The following RP1L1 variants were observed in gnomAD, a reference collection of about 807,000 sequenced individuals.
RP1L1 encodes the protein retinitis pigmentosa 1-like 1 protein.
In RP1L1, 27 loss-of-function variants were observed where a neutral mutation model predicts 15.7. The observed-to-expected ratio is 1.72, with a 90% CI of 1.27 to 2.38. The LOEUF is 2.38. Among genes scored for constraint, RP1L1 ranks in the 30% most tolerant of loss-of-function variants. RP1L1 has a pLI of 0.00. For missense variants in RP1L1, 4,798 were observed against 3,075.9 expected, an observed-to-expected ratio of 1.56 and a Z score of -13.24; for synonymous variants, 1,813 against 1,276.7, an observed-to-expected ratio of 1.42 and a Z score of -8.96.
rs72494282 is a variant in RP1L1 at position 10,607,680 on chromosome 8, C to T, written c.6418G>A (p.Glu2140Lys). 213,197 of 1,602,150 alleles carry T rather than the reference C, an allele frequency of 0.13. 16,091 individuals carry two copies. The highest frequency in any genetic ancestry group is 0.4 in the East Asian group (17,860 of 44,340). ...EGIEAPEAEG[E>K]AQPESEGVEA... ...ACACCTTCTGACTCAGGCTGGGCCT[C>T]CCCTTCAGCCTCTGGGGCCTCTATA... Residue 2140 changes from glutamate to lysine, a missense_variant, in exon 4 of 4, where the codon GAG (glutamate) becomes AAG (lysine). Coordinates refer to ENST00000382483, the MANE Select transcript of RP1L1 (RefSeq NM_178857.6).
intron 2 of RP1L1, among the ~76,000 whole-genome samples, chr8:10,618,035 C>T (rs72603907): frequency 0.14 from 20,597 of 152,104 alleles, 1,977 homozygotes; most frequent in East Asian, 0.49. Flanking sequence ...CCTTGCATTA[C>T]GTTGTAATTA....
At position 10,612,840 on chromosome 8, in the gene RP1L1, C is replaced by G. The variant is rs1204820851; in HGVS notation, c.1258G>C (p.Val420Leu). 1.9e-6 allele frequency: 3 copies of G among 1,612,720 alleles called. No homozygotes were observed. The East Asian group carries it at 6.7e-5, about 36-fold the overall frequency. ...AGTCCCCACCTCTTCCGAGCTGCCA[C>G]TCTCTCTCCCTGGGAGGCATGCAGG... ...NPLHASQGERVAARKRWGLAQ... is the reference protein window; with the variant it reads ...NPLHASQGERLAARKRWGLAQ... Residue 420 changes from valine to leucine, a missense_variant, in exon 4 of 4, where the codon GTG becomes CTG. Val to Leu is a conservative substitution (Grantham distance 32). Transcript: ENST00000382483.
chr8:10,650,517 G>A (rs1798543010), intron 1 of RP1L1, among the ~76,000 whole-genome samples: 1 of 151,948 alleles, frequency 6.6e-6, no homozygotes, highest in Admixed American at 6.6e-5. Flanking sequence ...CAGAAACTGA[G>A]GCTCAGGGAA....
chr8:10,619,991 A>G (rs535353399), intron 2 of RP1L1, among the ~76,000 whole-genome samples: 18 of 146,876 alleles, frequency 1.2e-4, no homozygotes, highest in South Asian at 2.2e-4. Context: ...AGATGTTGAG[A>G]GAGGATTCTG....
intron 1 of RP1L1, among the ~76,000 whole-genome samples, chr8:10,624,421 G>C (rs1165197001): frequency 1.3e-5 from 2 of 152,220 alleles, no homozygotes; most frequent in African/African-American, 4.8e-5. Context: ...GGGTGTGACT[G>C]AATGCAGAGT....
intron 2 of RP1L1, chr8:10,621,533 C>G: frequency 2.8e-6 from 1 of 351,752 alleles, no homozygotes; most frequent in Non-Finnish European, 5.6e-6. Flanking sequence ...GCCCTATTGG[C>G]CAGGCTGATC....
At chr8:10,622,251 C>G (rs1172080619) in intron 2 of RP1L1, among the ~76,000 whole-genome samples, 1 of 147,736 alleles carries the variant, frequency 6.8e-6, no homozygotes, top group Non-Finnish European at 1.5e-5. Context: ...ACCCAGAAGG[C>G]AGAGGTTGCA....
chr8:10,649,522 G>T (rs1798527993), intron 1 of RP1L1, among the ~76,000 whole-genome samples: 1 of 152,174 alleles, frequency 6.6e-6, no homozygotes, highest in Non-Finnish European at 1.5e-5. Context: ...CTCGATGGTG[G>T]GTTGCTGTCC....
In RP1L1 at chr8:10,634,892, C is replaced by T. The variant is rs571220530; in HGVS notation, c.-19-11672G>A. Among the ~76,000 whole-genome samples, 5 of 152,292 alleles carry T rather than the reference C, an allele frequency of 3.3e-5. No homozygotes were observed. In the South Asian group the frequency reaches 1.0e-3, roughly 32 times the overall value. On this transcript the variant is annotated intron_variant, in intron 1 of 3. Transcript: ENST00000382483. ...CCTCAAGGGACACCAAGGGTCCTTG[C>T]CCCTCCAGTCTCCCCAAGACTCTCT... is the stretch of plus-strand genomic sequence containing the variant.
chr8:10,623,259 T>C (rs1029795689), intron 1 of RP1L1, 39 bp from the exon 2 acceptor site: 4 of 1,460,238 alleles, frequency 2.7e-6, no homozygotes, highest in Admixed American at 2.3e-5. Flanking sequence ...GAGAGCAGCT[T>C]GGGGGATTGG....
At chr8:10,625,492 G>T (rs528938067) in intron 1 of RP1L1, among the ~76,000 whole-genome samples, 1 of 151,478 alleles carries the variant, frequency 6.6e-6, no homozygotes, top group African/African-American at 2.4e-5. Flanking sequence ...TGGGGGTCAA[G>T]TGGGGAGCCC....
At position 10,606,630 on chromosome 8, in the gene RP1L1, C is replaced by G. The variant is rs567494148; in HGVS notation, c.*265G>C. On this transcript the variant is annotated 3_prime_UTR_variant, in exon 4 of 4. Transcript: ENST00000382483. ...GGCTCTGCAGACAAATAAATAGGAG[C>G]CGGGCTGACCTCCGATAACCGGGCA... 7.7e-6 allele frequency: 4 copies of G among 522,184 alleles called. No homozygotes were observed. The highest frequency in any genetic ancestry group is 1.4e-5 in the Non-Finnish European group (4 of 296,136). The allele number at this position is 522,184 out of a possible 1,614,324, so 32.3% of individuals were successfully genotyped here.
Position 10,610,782 on chromosome 8 carries a change from G to C in RP1L1, c.3316C>G (p.Pro1106Ala). The change falls in exon 4 of 4, where the codon CCC (proline) becomes GCC (alanine). Residue 1106 changes from proline (P) to alanine (A), a missense_variant. Coordinates refer to ENST00000382483, the MANE Select transcript of RP1L1 (RefSeq NM_178857.6). ...GAGCAGCTGAGCCTCCTGGCCATGG[G>C]CCTAGACACTTCGGGCACGCTGCTG... ...RPSSVPEVSR[P>A]MARRLSCSAG... 6.2e-7 allele frequency: 1 copy of C among 1,612,536 alleles called. No individual in the cohort carries two copies. The highest frequency in any genetic ancestry group is 8.5e-7 in the Non-Finnish European group (1 of 1,179,446).
rs1156464287 is a variant in RP1L1 at position 10,609,753 on chromosome 8, C to T, written c.4345G>A (p.Glu1449Lys). Residue 1449 changes from glutamate to lysine, a missense_variant, in exon 4 of 4, where the codon GAA becomes AAA. Coordinates refer to ENST00000382483, the MANE Select transcript of RP1L1 (RefSeq NM_178857.6). ...AEPCPAEGTE[E>K]PTEPPSHLSE... is the part of the protein sequence containing the mutation. ...AGATGACTAGGGGGCTCTGTGGGTT[C>T]CTCTGTGCCCTCTGCGGGGCACGGC... The T allele has an allele frequency of 2.5e-6, 4 of 1,613,410 alleles. No homozygotes were observed. Among genetic ancestry groups the T allele is most frequent in the African/African-American group, 2.7e-5 (2 of 74,904 alleles).
At chr8:10,634,110 G>A (rs1279666214) in intron 1 of RP1L1, among the ~76,000 whole-genome samples, 1 of 152,150 alleles carries the variant, frequency 6.6e-6, no homozygotes, top group South Asian at 2.1e-4. Flanking sequence ...ACAGCGGTCT[G>A]AGTAAGAAGA....
chr8:10,609,495 C>T lies in RP1L1; in HGVS notation c.4603G>A (p.Ala1535Thr), dbSNP rs1283367248. 1.9e-6 allele frequency: 3 copies of T among 1,610,708 alleles called. No homozygotes were observed. In the Admixed American group the frequency reaches 5.0e-5, roughly 27 times the overall value. The change falls in exon 4 of 4, where the codon GCC becomes ACC. Residue 1535 changes from alanine (A) to threonine (T), a missense_variant. Physicochemically the swap from Ala to Thr is moderately conservative, Grantham distance 58. Coordinates refer to ENST00000382483, the MANE Select transcript of RP1L1 (RefSeq NM_178857.6). The part of the protein sequence containing the change: ...KTEKAFLAHL[A>T]SAVAELRARW... Reference sequence around the variant, plus strand: ...GCTCGGAGCTCAGCCACCGCACTGGCAAGGTGGGCCAGGAAGGCCTTCTCC... The same window carrying T: ...GCTCGGAGCTCAGCCACCGCACTGGTAAGGTGGGCCAGGAAGGCCTTCTCC...
At chr8:10,645,172 A>T (rs1798458671) in intron 1 of RP1L1, among the ~76,000 whole-genome samples, 1 of 152,078 alleles carries the variant, frequency 6.6e-6, no homozygotes, top group Non-Finnish European at 1.5e-5. Context: ...ACAAAAAATA[A>T]AAACATTAGC....
chr8:10,647,483 C>G (rs768055442), intron 1 of RP1L1, among the ~76,000 whole-genome samples: 4 of 152,182 alleles, frequency 2.6e-5, no homozygotes, highest in Non-Finnish European at 5.9e-5. Flanking sequence ...CCTTTGCACA[C>G]TCCATCCTCA....
At chr8:10,615,683 C>A (rs1797953748) in intron 3 of RP1L1, among the ~76,000 whole-genome samples, 1 of 151,512 alleles carries the variant, frequency 6.6e-6, no homozygotes, top group South Asian at 2.1e-4. Flanking sequence ...TATGCGCCAC[C>A]ATGCCTGGCT....
Sources: gnomAD v4.1 joint callset for allele counts (sites outside exome capture counted in the v4.1 genomes callset) on GRCh38, gnomAD v4.1.1 for gene constraint, MANE v1.5 for transcripts, NCBI Gene and HGNC (gene_info 2026-07-23, HGNC 2026-07-21) for gene names.